CLCN3: variants seen among roughly 807,000 people sequenced by gnomAD.
The protein encoded by CLCN3 is Cl-/H+ antiporter 3, also known as H(+)/Cl(-) exchange transporter 3.
Under a neutral mutation model 83.4 loss-of-function variants are expected in CLCN3, and 16 were observed. The observed-to-expected ratio is 0.19, with a 90% CI of 0.13 to 0.29. The LOEUF is 0.29. Ranked by LOEUF, CLCN3 falls within the 10% of genes least tolerant of loss-of-function variation. The probability of loss-of-function intolerance (pLI) is 1.00; values close to 1 mark genes in which losing one functional copy is unlikely to be tolerated. For synonymous variants in CLCN3, 322 were observed against 346.2 expected (o/e 0.93, Z 0.78); for missense variants, 544 against 1,006.0 (o/e 0.54, Z 6.21).
chr4:169,655,795 A>T (rs1005176307), intron 2 of CLCN3, among the ~76,000 whole-genome samples: 6 of 152,154 alleles, frequency 3.9e-5, no homozygotes, highest in African/African-American at 1.4e-4. Flanking sequence ...ATGAGCCGCC[A>T]TGCCTGGGCC....
intron 1 of CLCN3, among the ~76,000 whole-genome samples, chr4:169,628,344 T>C (rs566712875): frequency 4.6e-5 from 7 of 152,350 alleles, no homozygotes; most frequent in African/African-American, 1.4e-4. Context: ...TGCTCTGTTA[T>C]AGACCCTGTT....
intron 2 of CLCN3, among the ~76,000 whole-genome samples, chr4:169,636,397 A>T (rs1051503533): frequency 2.6e-5 from 4 of 152,156 alleles, no homozygotes; most frequent in African/African-American, 7.2e-5. Flanking sequence ...TTAGTGTGGA[A>T]ATTGATGAAT....
chr4:169,672,173 C>G (rs1199969732), intron 2 of CLCN3, among the ~76,000 whole-genome samples: 1 of 151,610 alleles, frequency 6.6e-6, no homozygotes, highest in African/African-American at 2.4e-5. Flanking sequence ...GATCGCGCCA[C>G]TGCACTCCAG....
At chr4:169,690,163 T>A (rs2651391) in intron 5 of CLCN3, among the ~76,000 whole-genome samples, 2 of 95,850 alleles carry the variant, frequency 2.1e-5, no homozygotes, top group Admixed American at 1.6e-4. Context: ...TTTTGGCCGG[T>A]GGGATGGAGT....
intron 8 of CLCN3, among the ~76,000 whole-genome samples, chr4:169,696,948 G>A (rs546149718): frequency 1.3e-5 from 2 of 151,576 alleles, no homozygotes; most frequent in Admixed American, 1.3e-4. Flanking sequence ...ACAGCACTAG[G>A]TATTCTATTA....
At chr4:169,716,798 AG>A (rs1322440146) in intron 12 of CLCN3, among the ~76,000 whole-genome samples, 1 of 152,174 alleles carries the variant, frequency 6.6e-6, no homozygotes, top group African/African-American at 2.4e-5. Context: ...CTATAGGAAC[AG>A]GCTACTTTGA....
intron 10 of CLCN3, among the ~76,000 whole-genome samples, chr4:169,705,017 G>A (rs925713672): frequency 6.6e-6 from 1 of 152,124 alleles, no homozygotes; most frequent in Non-Finnish European, 1.5e-5. Flanking sequence ...ACCCAATCTC[G>A]ACTCTAATCA....
intron 2 of CLCN3, among the ~76,000 whole-genome samples, chr4:169,679,562 C>G (rs931241961): frequency 1.3e-5 from 2 of 152,092 alleles, no homozygotes; most frequent in African/African-American, 4.8e-5. Context: ...GAGGTTGTAG[C>G]GAGCCGAGAT....
chr4:169,678,697 T>C (rs1731780804), intron 2 of CLCN3, among the ~76,000 whole-genome samples: 1 of 152,166 alleles, frequency 6.6e-6, no homozygotes. Context: ...TAACCCTGAG[T>C]TGACATAGCA....
intron 7 of CLCN3, among the ~76,000 whole-genome samples, chr4:169,693,197 A>G (rs1440355203): frequency 6.6e-6 from 1 of 152,212 alleles, no homozygotes; most frequent in African/African-American, 2.4e-5. Context: ...TTAATCTTCA[A>G]TTGAAATAAT....
chr4:169,720,050 T>C lies in CLCN3; in HGVS notation c.*53T>C. The C allele has an allele frequency of 1.2e-6, 2 of 1,611,988 alleles. No homozygotes were observed. Among genetic ancestry groups the C allele is most frequent in the Non-Finnish European group, 1.7e-6 (2 of 1,179,218 alleles). The stretch of plus-strand genomic sequence containing the variant: ...CGGAAGAGGAAGTTTATTTGTTGAA[T>C]AGCACAACTCTTTAACCTGAGGGAG... On this transcript the variant is annotated 3_prime_UTR_variant, in exon 13 of 13. Transcript: ENST00000513761.
intron 12 of CLCN3, among the ~76,000 whole-genome samples, chr4:169,716,911 G>A (rs2150279019): frequency 6.6e-6 from 1 of 152,256 alleles, no homozygotes; most frequent in South Asian, 2.1e-4. Context: ...ATCCTGAAGG[G>A]TATTTTGGAT....
In CLCN3 at chr4:169,703,926, T is replaced by A; in HGVS notation, c.1564-72T>A. The A allele has an allele frequency of 2.9e-6, 4 of 1,389,080 alleles. No individual in the cohort carries two copies. The South Asian group carries it at 4.9e-5, about 17-fold the overall frequency. 86.0% of individuals were successfully genotyped at this position (1,389,080 alleles called of 1,614,324 possible). On this transcript the variant is annotated intron_variant, in intron 9 of 12. Transcript: ENST00000513761. ...AAGAATCAAAAGTGTTAGAAATAAA[T>A]GCATAGAATGTAAGTTTCAGGCATG...
chr4:169,679,599 A>C (rs1479342338), intron 2 of CLCN3, among the ~76,000 whole-genome samples: 3 of 152,182 alleles, frequency 2.0e-5, no homozygotes, highest in East Asian at 1.9e-4. Context: ...AGCCTGGGCA[A>C]CATTGAGCAC....
Position 169,697,337 on chromosome 4 carries a change from A to C in CLCN3, c.1166A>C (p.Glu389Ala). Residue 389 changes from glutamate (E) to alanine (A), a missense_variant, in exon 9 of 13, where the codon GAA becomes GCA. By Grantham distance (107) the Glu-to-Ala change is moderately radical (BLOSUM62 -1). Around this residue, in one of 6 missense-constraint regions of CLCN3, gnomAD observed 194 missense variants for 341.4 expected, o/e 0.57. Coordinates refer to ENST00000513761, the MANE Select transcript of CLCN3 (RefSeq NM_001829.4). ...VEYHTPWYLF[E>A]LFPFILLGVF... Reference sequence around the variant, plus strand: ...TATCATACACCATGGTACCTTTTTGAACTGTTTCCTTTTATTCTTCTAGGG... The same window carrying C: ...TATCATACACCATGGTACCTTTTTGCACTGTTTCCTTTTATTCTTCTAGGG... 1 of 1,613,534 alleles carries C rather than the reference A, an allele frequency of 6.2e-7. No homozygotes were observed. Among genetic ancestry groups the C allele is most frequent in the Non-Finnish European group, 8.5e-7 (1 of 1,179,894 alleles).
chr4:169,723,343 G>A lies in CLCN3; in HGVS notation c.*3346G>A, dbSNP rs1251613248. On this transcript the variant is annotated 3_prime_UTR_variant, in exon 13 of 13. Coordinates refer to ENST00000513761, the MANE Select transcript of CLCN3 (RefSeq NM_001829.4). ...AAGCATTTCTACACTTTGCAAGCAA[G>A]GAGCAATAGAAGAGTAGATAGATGC... 6.6e-6 allele frequency: 1 copy of A among 152,190 alleles called. No individual in the cohort carries two copies. The highest frequency in any genetic ancestry group is 2.4e-5 in the African/African-American group (1 of 41,428). 9.4% of individuals were successfully genotyped at this position (152,190 alleles called of 1,614,324 possible).
chr4:169,696,887 A>T (rs1234395610), intron 8 of CLCN3, among the ~76,000 whole-genome samples: 1 of 151,118 alleles, frequency 6.6e-6, no homozygotes, highest in Non-Finnish European at 1.5e-5. Flanking sequence ...TGGTACATTT[A>T]TTTTTAACTA....
chr4:169,707,015 A>G lies in CLCN3; in HGVS notation c.1898A>G (p.His633Arg), dbSNP rs760290940. 1 of 1,614,214 alleles carries G rather than the reference A, an allele frequency of 6.2e-7. No homozygotes were observed. ...AFGREGIYEA[H>R]IRLNGYPFLD... is the part of the protein sequence containing the mutation. Reference sequence around the variant, plus strand: ...GGCAGGGAAGGCATTTATGAAGCACACATCCGATTAAATGGATACCCTTTC... The same window carrying G: ...GGCAGGGAAGGCATTTATGAAGCACGCATCCGATTAAATGGATACCCTTTC... The change falls in exon 11 of 13, where the codon CAC becomes CGC. Residue 633 changes from histidine (H) to arginine (R), a missense_variant. Physicochemically the swap from His to Arg is conservative, Grantham distance 29. Around this residue, in one of 6 missense-constraint regions of CLCN3, gnomAD observed 27 missense variants for 100.2 expected, o/e 0.27. Coordinates refer to ENST00000513761, the MANE Select transcript of CLCN3 (RefSeq NM_001829.4).
chr4:169,698,572 C>T (rs13114081), intron 9 of CLCN3, among the ~76,000 whole-genome samples: 12 of 152,250 alleles, frequency 7.9e-5, no homozygotes, highest in East Asian at 3.9e-4. Flanking sequence ...TTCATTGAGG[C>T]AGTCACAGAG....
Sources: gnomAD v4.1 joint callset for allele counts (sites outside exome capture counted in the v4.1 genomes callset) on GRCh38, gnomAD v4.1.1 for gene constraint, gnomAD v4.1.1 regional missense constraint, MANE v1.5 for transcripts, NCBI Gene and HGNC (gene_info 2026-07-23, HGNC 2026-07-21) for gene names.